CALD1: variants seen among roughly 807,000 people sequenced by gnomAD.
The protein encoded by CALD1 is caldesmon 1, also known as caldesmon.
In CALD1, 33 loss-of-function variants were observed where a neutral mutation model predicts 99.9. The observed-to-expected ratio is 0.33, with a 90% CI of 0.25 to 0.44. The LOEUF (loss-of-function observed/expected upper bound fraction) is 0.44. Ranked by LOEUF, CALD1 falls within the 20% of genes least tolerant of loss-of-function variation. The pLI is 1.00. For synonymous variants in CALD1, 310 were observed against 325.0 expected (o/e 0.95, Z 0.50); for missense variants, 861 against 962.1 (o/e 0.89, Z 1.39).
At chr7:134,879,585 A>C (rs1239027254) in intron 3 of CALD1, among the ~76,000 whole-genome samples, 1 of 152,214 alleles carries the variant, frequency 6.6e-6, no homozygotes, top group Non-Finnish European at 1.5e-5. Context: ...TAAACCTTTT[A>C]AATAACTTTA....
the CALD1 span, among the ~76,000 whole-genome samples, chr7:134,738,145 A>G: frequency 2.0e-5 from 3 of 152,086 alleles, no homozygotes; most frequent in Non-Finnish European, 2.9e-5. Flanking sequence ...TTCAGGCTCA[A>G]TGCTTTATCT....
At chr7:134,875,053 C>T (rs1801284037) in intron 3 of CALD1, among the ~76,000 whole-genome samples, 1 of 152,270 alleles carries the variant, frequency 6.6e-6, no homozygotes, top group South Asian at 2.1e-4. Context: ...ACATTATTTT[C>T]CATTAAGAAG....
intron 4 of CALD1, among the ~76,000 whole-genome samples, chr7:134,930,417 A>G (rs1302823262): frequency 1.3e-5 from 2 of 152,192 alleles, no homozygotes; most frequent in Non-Finnish European, 2.9e-5. Context: ...ACTATATAAG[A>G]TCTCACATGT....
intron 1 of CALD1, among the ~76,000 whole-genome samples, chr7:134,756,029 A>G (rs1372115205): frequency 6.6e-6 from 1 of 152,048 alleles, no homozygotes; most frequent in Non-Finnish European, 1.5e-5. Flanking sequence ...CTTAACTAAA[A>G]TACTACCTCT....
Position 134,905,235 on chromosome 7 carries a change from T to C in CALD1, c.72-23519T>C, listed in dbSNP as rs557354179. Among the ~76,000 whole-genome samples, 29 of 152,232 alleles carry C rather than the reference T, an allele frequency of 1.9e-4. No homozygotes were observed. In the South Asian group the frequency reaches 3.3e-3, roughly 17 times the overall value. ...GCAAGACCTGTAAGCACAGATTTAA[T>C]TTCCATCATGATGATGATGATAAAA... On this transcript the variant is annotated intron_variant, in intron 3 of 14. Transcript: ENST00000361675.
At chr7:134,937,636 C>CAAAAAAAAAA (rs564323364) in intron 6 of CALD1, among the ~76,000 whole-genome samples, 1 of 97,344 alleles carries the variant, frequency 1.0e-5, no homozygotes. Context: ...CCTTTTTGTA[C>CAAAAAAAAAA]AAAAAAAAAA....
intron 1 of CALD1, among the ~76,000 whole-genome samples, chr7:134,806,345 C>CA (rs1798137030): frequency 1.3e-5 from 2 of 152,192 alleles, no homozygotes; most frequent in Admixed American, 1.3e-4. Context: ...AGTAGGCTGT[C>CA]ATGGGTAGAG....
Position 134,934,081 on chromosome 7 carries a change from C to A in CALD1, c.1308+4C>A. Reference sequence around the variant, plus strand: ...GACAGCTGTCCTAAAGAAACAGGTACAGTAAACATTTTGCACCAAATGTGT... The same window carrying A: ...GACAGCTGTCCTAAAGAAACAGGTAAAGTAAACATTTTGCACCAAATGTGT... On this transcript the variant is annotated splice_donor_region_variant and intron_variant, in intron 5 of 14. Transcript: ENST00000361675. 1 of 1,597,978 alleles carries A rather than the reference C, an allele frequency of 6.3e-7. No homozygotes were observed. The highest frequency in any genetic ancestry group is 1.1e-5 in the South Asian group (1 of 88,232).
In CALD1 at chr7:134,960,163, T is replaced by C. The variant is rs762587629; in HGVS notation, c.2199+52T>C. ...GTGTAGAGGGGCATATTTTTTTGCA[T>C]GTCGATTTTGATTTAGGAATCACAC... On this transcript the variant is annotated intron_variant, in intron 12 of 14. Transcript: ENST00000361675. The C allele has an allele frequency of 1.9e-6, 3 of 1,595,496 alleles. No homozygotes were observed. In the African/African-American group the frequency reaches 4.0e-5, roughly 21 times the overall value.
chr7:134,793,941 C>T (rs577220473), intron 1 of CALD1, among the ~76,000 whole-genome samples: 1 of 152,068 alleles, frequency 6.6e-6, no homozygotes, highest in Non-Finnish European at 1.5e-5. Context: ...CTTTACTCTA[C>T]TCTGCTCTCT....
At position 134,947,207 on chromosome 7, in the gene CALD1, CTTG is replaced by C. The variant is rs540963630; in HGVS notation, c.1533-297_1533-295del. On this transcript the variant is annotated intron_variant, in intron 7 of 14. Coordinates refer to ENST00000361675, the MANE Select transcript of CALD1 (RefSeq NM_033138.4). ...GATTGCTGGATCACGTGGTAGTTCT[CTTG>C]TTGATTTTTTGAGGAACCTCCATAC... Among the ~76,000 whole-genome samples, 11 of 152,224 alleles carry C rather than the reference CTTG, an allele frequency of 7.2e-5. 1 individual carries two copies. Among genetic ancestry groups the C allele is most frequent in the Admixed American group, 7.2e-4 (11 of 15,296 alleles).
At chr7:134,839,732 C>G (rs1467864996) in intron 1 of CALD1, among the ~76,000 whole-genome samples, 1 of 152,140 alleles carries the variant, frequency 6.6e-6, no homozygotes, top group Non-Finnish European at 1.5e-5. Flanking sequence ...TCTCTGTCCC[C>G]AGGCTGGAGT....
rs756481344 is a variant in CALD1 at position 134,867,707 on chromosome 7, T to C, written c.-27T>C. 20 of 1,498,060 alleles carry C rather than the reference T, an allele frequency of 1.3e-5. No homozygotes were observed. The East Asian group carries it at 2.0e-4, about 15-fold the overall frequency. The allele number at this position is 1,498,060 out of a possible 1,614,324, so 92.8% of individuals were successfully genotyped here. A position where few individuals can be genotyped will look rare whatever the true frequency, so the allele number is the denominator to read the frequency against. On this transcript the variant is annotated 5_prime_UTR_variant, in exon 3 of 15. Transcript: ENST00000361675. Reference sequence around the variant, plus strand: ...CTCTCTTTCAGGTCCAGACATCATCTGGTCTCCCTGAACCTGAAATCACAC... The same window carrying C: ...CTCTCTTTCAGGTCCAGACATCATCCGGTCTCCCTGAACCTGAAATCACAC...
At chr7:134,816,694 AG>A (rs1282719915) in intron 1 of CALD1, among the ~76,000 whole-genome samples, 1 of 152,198 alleles carries the variant, frequency 6.6e-6, no homozygotes, top group Non-Finnish European at 1.5e-5. Context: ...GGTAAAATGT[AG>A]GGAGTAAGCA....
the CALD1 span, among the ~76,000 whole-genome samples, chr7:134,736,004 C>T: frequency 1.3e-5 from 2 of 152,100 alleles, no homozygotes; most frequent in African/African-American, 4.8e-5. Flanking sequence ...TACCTAAAAC[C>T]CAAGAATAGG....
intron 1 of CALD1, among the ~76,000 whole-genome samples, chr7:134,784,280 A>C (rs1797222253): frequency 6.6e-6 from 1 of 152,216 alleles, no homozygotes; most frequent in Admixed American, 6.5e-5. Context: ...GGAATATATA[A>C]TTAGTTCCTC....
At chr7:134,945,755 G>A (rs1329192185) in intron 7 of CALD1, among the ~76,000 whole-genome samples, 3 of 152,100 alleles carry the variant, frequency 2.0e-5, no homozygotes, top group African/African-American at 7.2e-5. Flanking sequence ...GTTGTATTGG[G>A]GTCAAAGAGC....
intron 1 of CALD1, among the ~76,000 whole-genome samples, chr7:134,754,189 AG>A (rs1796708991): frequency 6.6e-6 from 1 of 152,158 alleles, no homozygotes; most frequent in African/African-American, 2.4e-5. Flanking sequence ...CTAGGTGACT[AG>A]GGGGTAGGTT....
At chr7:134,938,014 C>T (rs1028035190) in intron 6 of CALD1, among the ~76,000 whole-genome samples, 2 of 152,178 alleles carry the variant, frequency 1.3e-5, no homozygotes, top group African/African-American at 4.8e-5. Flanking sequence ...AAGTGATGTT[C>T]GTGTCATGCG....
Sources: allele counts gnomAD v4.1 joint callset (sites outside exome capture counted in the v4.1 genomes callset), GRCh38; gene constraint gnomAD v4.1.1; transcripts MANE v1.5; gene names NCBI Gene and HGNC (gene_info 2026-07-23, HGNC 2026-07-21).